SCGB2B2: variants seen among roughly 807,000 people sequenced by gnomAD.
SCGB2B2 encodes the protein secretoglobin-like protein.
In SCGB2B2, 11 loss-of-function variants were observed where a neutral mutation model predicts 7.6. The observed-to-expected ratio is 1.45, with a 90% CI of 0.91 to 2.40. SCGB2B2 has a LOEUF of 2.40. SCGB2B2 is among the 30% of genes most tolerant of loss of function. The pLI, the probability that SCGB2B2 is intolerant of heterozygous loss-of-function variation, is 0.00. For synonymous variants in SCGB2B2, 50 were observed against 48.6 expected (o/e 1.03, Z -0.12); for missense variants, 104 against 115.4 (o/e 0.90, Z 0.45).
At chr19:34,638,634 C>G (rs1568437746) in intron 1 of SCGB2B2, among the ~76,000 whole-genome samples, 1 of 152,146 alleles carries the variant, frequency 6.6e-6, no homozygotes, top group Non-Finnish European at 1.5e-5. Flanking sequence ...AAATTGGCCC[C>G]TGATAAAATA....
chr19:34,625,427 T>G (rs187209935), intron 1 of SCGB2B2, among the ~76,000 whole-genome samples: 171 of 152,356 alleles, frequency 1.1e-3, no homozygotes, highest in Non-Finnish European at 2.1e-3. Context: ...ACCCTAATAC[T>G]GCACTTTTCC....
chr19:34,660,322 G>T (rs2067416715), intron 1 of SCGB2B2, among the ~76,000 whole-genome samples: 1 of 152,170 alleles, frequency 6.6e-6, no homozygotes, highest in Non-Finnish European at 1.5e-5. Context: ...CACAGCAAAA[G>T]AAACTATCAT....
intron 1 of SCGB2B2, among the ~76,000 whole-genome samples, chr19:34,662,382 TAA>T (rs1480455089): frequency 6.6e-6 from 1 of 151,990 alleles, no homozygotes; most frequent in Admixed American, 6.6e-5. Flanking sequence ...TCCAAAACAA[TAA>T]AGACTTTACA....
intron 1 of SCGB2B2, among the ~76,000 whole-genome samples, chr19:34,612,611 AAAGG>A (rs1258338049): frequency 1.3e-5 from 2 of 152,222 alleles, no homozygotes; most frequent in Non-Finnish European, 2.9e-5. Context: ...TGGTCTTATG[AAAGG>A]AATTTATATT....
intron 1 of SCGB2B2, among the ~76,000 whole-genome samples, chr19:34,647,048 C>T (rs1183217750): frequency 6.6e-6 from 1 of 152,146 alleles, no homozygotes; most frequent in Non-Finnish European, 1.5e-5. Context: ...ACTCCAGATG[C>T]TGGAGGCTGG....
At chr19:34,665,666 T>C (rs2067596465) in intron 1 of SCGB2B2, among the ~76,000 whole-genome samples, 1 of 152,078 alleles carries the variant, frequency 6.6e-6, no homozygotes, top group South Asian at 2.1e-4. Flanking sequence ...CACGTGTGTA[T>C]TGGGTGGGGC....
chr19:34,626,967 G>T (rs1218051478), intron 1 of SCGB2B2, among the ~76,000 whole-genome samples: 5 of 152,182 alleles, frequency 3.3e-5, no homozygotes, highest in Non-Finnish European at 7.4e-5. Context: ...CATTCCTAAA[G>T]AAAAGAATTT....
rs757301302 is a variant in SCGB2B2, at chr19:34,676,868, A to G, written c.-3270T>C. On this transcript the variant is annotated 5_prime_UTR_variant, in exon 1 of 4. It removes an upstream start codon present in the reference 5' UTR. Coordinates refer to ENST00000601241, the MANE Select transcript of SCGB2B2 (RefSeq NM_001025591.4). ...CTCTGGCTTGCATACAGAGAGGTCCATTGCCCTTTTGGGTGGGCCTAAGAA... is the reference window on the plus strand; with the variant it reads ...CTCTGGCTTGCATACAGAGAGGTCCGTTGCCCTTTTGGGTGGGCCTAAGAA... 2 of 152,204 alleles carry G rather than the reference A, an allele frequency of 1.3e-5. No homozygotes were observed. Among genetic ancestry groups the G allele is most frequent in the Non-Finnish European group, 2.9e-5 (2 of 68,036 alleles). The allele number at this position is 152,204 out of a possible 1,614,324, so 9.4% of individuals were successfully genotyped here.
chr19:34,587,204 G>A (rs1045733981), downstream of SCGB2B2, among the ~76,000 whole-genome samples: 6 of 152,110 alleles, frequency 3.9e-5, no homozygotes, highest in East Asian at 1.9e-4. Flanking sequence ...CACCACACCC[G>A]GCAATATGTA....
intron 1 of SCGB2B2, among the ~76,000 whole-genome samples, chr19:34,655,570 T>A (rs963194981): frequency 6.6e-6 from 1 of 151,070 alleles, no homozygotes. Context: ...CTCCCTAAAG[T>A]GTGTAAGAGC....
chr19:34,594,693 GT>G lies in SCGB2B2; in HGVS notation c.-131del. The G allele has an allele frequency of 1.4e-6, 1 of 702,740 alleles. No homozygotes were observed. Among genetic ancestry groups the G allele is most frequent in the Non-Finnish European group, 2.5e-6 (1 of 405,436 alleles). 43.5% of individuals were successfully genotyped at this position (702,740 alleles called of 1,614,324 possible). A position where few individuals can be genotyped will look rare whatever the true frequency, so the allele number is the denominator to read the frequency against. ...TGTGTGTGTGTGTGTGTGTGTGTGT[GT>G]GTGTGTGTGAATGTGGTCAGGGCAG... On this transcript the variant is annotated 5_prime_UTR_variant, in exon 2 of 4. It removes the in-frame stop codon of an upstream open reading frame in the 5' UTR. Transcript: ENST00000601241.
chr19:34,650,414 G>C (rs746950428), intron 1 of SCGB2B2, among the ~76,000 whole-genome samples: 1 of 151,138 alleles, frequency 6.6e-6, no homozygotes, highest in Non-Finnish European at 1.5e-5. Context: ...GCGGAATTGG[G>C]CTTCATCCAG....
At chr19:34,653,692 A>G (rs988115720) in intron 1 of SCGB2B2, among the ~76,000 whole-genome samples, 3 of 151,280 alleles carry the variant, frequency 2.0e-5, no homozygotes, top group African/African-American at 7.4e-5. Flanking sequence ...ATGACATTCC[A>G]CATTAACAAA....
intron 1 of SCGB2B2, among the ~76,000 whole-genome samples, chr19:34,609,221 T>C (rs943410650): frequency 6.6e-6 from 1 of 152,312 alleles, no homozygotes. Flanking sequence ...ATTCTGGATA[T>C]GAATCCTTTG....
intron 1 of SCGB2B2, among the ~76,000 whole-genome samples, chr19:34,659,330 G>C (rs978912479): frequency 6.6e-6 from 1 of 152,162 alleles, no homozygotes; most frequent in African/African-American, 2.4e-5. Flanking sequence ...TATTCAATTA[G>C]GAAAAGAGGA....
At chr19:34,663,784 G>A (rs2067530829) in intron 1 of SCGB2B2, among the ~76,000 whole-genome samples, 1 of 151,856 alleles carries the variant, frequency 6.6e-6, no homozygotes, top group Non-Finnish European at 1.5e-5. Context: ...GTGAAGGGGA[G>A]GATAAATGAA....
intron 1 of SCGB2B2, among the ~76,000 whole-genome samples, chr19:34,670,049 T>C (rs950598219): frequency 2.6e-5 from 4 of 152,000 alleles, no homozygotes; most frequent in African/African-American, 9.7e-5. Flanking sequence ...TACCTGGTCA[T>C]GGGGTGCTTC....
At chr19:34,618,901 C>T (rs149281587) in intron 1 of SCGB2B2, among the ~76,000 whole-genome samples, 2 of 152,326 alleles carry the variant, frequency 1.3e-5, no homozygotes, top group African/African-American at 2.4e-5. Context: ...TAAGCCTTAC[C>T]TAAAATCTAA....
intron 1 of SCGB2B2, chr19:34,645,722 G>A: frequency 2.5e-6 from 1 of 406,910 alleles, no homozygotes; most frequent in Non-Finnish European, 5.0e-6. Flanking sequence ...CGTCCAGCTG[G>A]GTGAGAAAGA....
Sources: allele counts gnomAD v4.1 joint callset (sites outside exome capture counted in the v4.1 genomes callset), GRCh38; gene constraint gnomAD v4.1.1; transcripts MANE v1.5; gene names NCBI Gene and HGNC (gene_info 2026-07-23, HGNC 2026-07-21).